Variants in CFAP54 observed in about 807,000 individuals in gnomAD.
The protein encoded by CFAP54 is cilia- and flagella-associated protein 54.
In CFAP54, 290 loss-of-function variants were observed where a neutral mutation model predicts 370.4. That is an observed-to-expected ratio of 0.78 (90% confidence interval 0.71 to 0.86). The LOEUF is 0.86. Ranked by LOEUF, CFAP54 falls within the 40% of genes least tolerant of loss-of-function variation. The pLI is 0.00. For missense variants in CFAP54, 3,399 were observed against 3,528.7 expected (o/e 0.96, Z 0.93); for synonymous variants, 1,206 against 1,236.5 (o/e 0.98, Z 0.52).
intron 39 of CFAP54, among the ~76,000 whole-genome samples, chr12:96,675,319 C>G (rs1011537553): frequency 5.3e-5 from 8 of 152,060 alleles, no homozygotes; most frequent in African/African-American, 1.9e-4. Flanking sequence ...TTTATGCAGC[C>G]AAAAGACACA....
intron 19 of CFAP54, among the ~76,000 whole-genome samples, chr12:96,575,407 C>CT (rs1955964435): frequency 1.3e-5 from 2 of 151,992 alleles, no homozygotes; most frequent in Non-Finnish European, 1.5e-5. Context: ...ACCTTATCTA[C>CT]TTTTTCCTTT....
At chr12:96,850,630 T>G (rs531700700) in intron 66 of CFAP54, among the ~76,000 whole-genome samples, 1 of 152,230 alleles carries the variant, frequency 6.6e-6, no homozygotes, top group African/African-American at 2.4e-5. Context: ...GTCTCATGGG[T>G]GTGTATATTA....
intron 66 of CFAP54, among the ~76,000 whole-genome samples, chr12:96,837,980 T>C (rs1959191755): frequency 6.6e-6 from 1 of 152,222 alleles, no homozygotes; most frequent in South Asian, 2.1e-4. Context: ...ACTTCTGATA[T>C]CTTTTTAGAA....
intron 32 of CFAP54, among the ~76,000 whole-genome samples, chr12:96,641,186 A>G (rs1407957134): frequency 3.9e-5 from 6 of 152,216 alleles, no homozygotes; most frequent in Non-Finnish European, 7.3e-5. Flanking sequence ...CATCTGACAA[A>G]GGGCTAATAT....
At chr12:96,672,432 A>G (rs1345532) in intron 39 of CFAP54, among the ~76,000 whole-genome samples, 134,965 of 152,222 alleles carry the variant, frequency 0.89, 60,093 homozygotes, top group East Asian at 0.96. Flanking sequence ...TATAGCCAAT[A>G]TTGATTGGGT....
At chr12:96,740,165 GA>G in intron 51 of CFAP54, 104 bp downstream of exon 51, 3 of 658,288 alleles carry the variant, frequency 4.6e-6, no homozygotes. Flanking sequence ...GAGTAAAGTA[GA>G]AAAAACATTG....
At chr12:96,660,269 G>C (rs1037210494) in intron 38 of CFAP54, among the ~76,000 whole-genome samples, 1 of 152,124 alleles carries the variant, frequency 6.6e-6, no homozygotes, top group African/African-American at 2.4e-5. Context: ...AGCAAACAAG[G>C]GGCATGGGAG....
chr12:96,616,220 G>A (rs538973469), intron 26 of CFAP54, among the ~76,000 whole-genome samples: 5 of 152,230 alleles, frequency 3.3e-5, no homozygotes, highest in South Asian at 2.1e-4. Context: ...TGGGGACATC[G>A]ATGAAGCTGG....
rs574045884 is a variant in CFAP54 at position 96,671,457 on chromosome 12, G to A, written c.5563+7525G>A. Reference sequence around the variant, plus strand: ...ATAAAACGTAAGCTTTATGAGGGCAGGGATTATTGTTTTGTTCACAGATAT... The same window carrying A: ...ATAAAACGTAAGCTTTATGAGGGCAAGGATTATTGTTTTGTTCACAGATAT... On this transcript the variant is annotated intron_variant, in intron 39 of 67. Coordinates refer to ENST00000524981, the MANE Select transcript of CFAP54 (RefSeq NM_001306084.2). Among the ~76,000 whole-genome samples, 10 of 152,280 alleles carry A rather than the reference G, an allele frequency of 6.6e-5. No homozygotes were observed. The South Asian group carries it at 2.1e-3, about 32-fold the overall frequency.
At chr12:96,717,547 A>G (rs938019456) in intron 48 of CFAP54, among the ~76,000 whole-genome samples, 1 of 152,232 alleles carries the variant, frequency 6.6e-6, no homozygotes, top group East Asian at 1.9e-4. Context: ...TTTCTCTCCC[A>G]CAGTCTAGAA....
At chr12:96,679,852 A>G (rs367891377) in intron 40 of CFAP54, 100 bp downstream of exon 40, 3 of 1,182,560 alleles carry the variant, frequency 2.5e-6, no homozygotes, top group Non-Finnish European at 3.6e-6. Flanking sequence ...CCCCGTGTAC[A>G]TGCAACACTC....
intron 4 of CFAP54, among the ~76,000 whole-genome samples, chr12:96,511,745 A>G (rs1401403250): frequency 6.6e-6 from 1 of 152,226 alleles, no homozygotes; most frequent in Non-Finnish European, 1.5e-5. Context: ...CAGCCTCCCA[A>G]AGTGCTGGGA....
In CFAP54 at chr12:96,860,903, A is replaced by G; in HGVS notation, c.9256A>G (p.Ser3086Gly). The change falls in exon 67 of 68, where the codon AGC becomes GGC. Residue 3086 changes from serine (S) to glycine (G), a missense_variant. Physicochemically the swap from Ser to Gly is moderately conservative, Grantham distance 56. Around this residue, in one of 3 missense-constraint regions of CFAP54, gnomAD observed 2,796 missense variants for 2,869.7 expected, o/e 0.97. Transcript: ENST00000524981. ...LANGCILSGG[S>G]LFNWIVSIIP is the part of the protein sequence containing the mutation. The stretch of plus-strand genomic sequence containing the variant: ...TAATGGTTGCATTTTATCAGGAGGA[A>G]GCCTTTTCAACTGGATAGTGTCAAT... 1 of 1,535,042 alleles carries G rather than the reference A, an allele frequency of 6.5e-7. No homozygotes were observed. The highest frequency in any genetic ancestry group is 1.2e-5 in the South Asian group (1 of 83,972).
intron 50 of CFAP54, among the ~76,000 whole-genome samples, chr12:96,734,476 A>G (rs1957958064): frequency 6.6e-6 from 1 of 152,220 alleles, no homozygotes; most frequent in Admixed American, 6.5e-5. Context: ...GATTATTATA[A>G]GGATTAAATA....
chr12:96,873,976 A>G (rs1960226361), intron 67 of CFAP54, among the ~76,000 whole-genome samples: 1 of 152,124 alleles, frequency 6.6e-6, no homozygotes, highest in African/African-American at 2.4e-5. Context: ...TCCGTAGCAT[A>G]TGTTCTCTTT....
intron 50 of CFAP54, 74 bp downstream of exon 50, chr12:96,720,639 A>G (rs1239006345): frequency 4.3e-6 from 5 of 1,166,132 alleles, no homozygotes; most frequent in Non-Finnish European, 5.5e-6. Flanking sequence ...AAATAGACTT[A>G]AATTTTATGT....
chr12:96,539,202 G>A (rs544780236), intron 13 of CFAP54, among the ~76,000 whole-genome samples: 5 of 150,596 alleles, frequency 3.3e-5, no homozygotes, highest in East Asian at 2.0e-4. Context: ...CTGCGATTAC[G>A]GGCATCCACC....
chr12:96,675,145 C>A lies in CFAP54; in HGVS notation c.5564-4455C>A, dbSNP rs1462763669. Among the ~76,000 whole-genome samples, 9 of 152,062 alleles carry A rather than the reference C, an allele frequency of 5.9e-5. No individual in the cohort carries two copies. The East Asian group carries it at 1.2e-3, about 20-fold the overall frequency. On this transcript the variant is annotated intron_variant, in intron 39 of 67. Coordinates refer to ENST00000524981, the MANE Select transcript of CFAP54 (RefSeq NM_001306084.2). Reference sequence around the variant, plus strand: ...CAAAAGAAACTACCATCAGAGTGAACAGGCAACCTACAGAATGGGAGAAAA... The same window carrying A: ...CAAAAGAAACTACCATCAGAGTGAAAAGGCAACCTACAGAATGGGAGAAAA...
intron 19 of CFAP54, among the ~76,000 whole-genome samples, chr12:96,572,284 CTTAT>C (rs1955928281): frequency 6.6e-6 from 1 of 152,088 alleles, no homozygotes; most frequent in Admixed American, 6.6e-5. Context: ...AAGGAAATGG[CTTAT>C]TTAAATACAT....
Sources: gnomAD v4.1 joint callset for allele counts (sites outside exome capture counted in the v4.1 genomes callset) on GRCh38, gnomAD v4.1.1 for gene constraint, gnomAD v4.1.1 regional missense constraint, MANE v1.5 for transcripts, NCBI Gene and HGNC (gene_info 2026-07-23, HGNC 2026-07-21) for gene names.